ZNF385D: variants seen among roughly 807,000 people sequenced by gnomAD.
The protein encoded by ZNF385D is zinc finger protein 659.
In ZNF385D, 15 loss-of-function variants were observed where a neutral mutation model predicts 35.8. The ratio of observed to expected loss-of-function variants is 0.42; its 90% CI spans 0.28 to 0.64. The LOEUF is 0.64. Ranked by LOEUF, ZNF385D falls within the 30% of genes least tolerant of loss-of-function variation. The pLI is 0.23. For synonymous variants in ZNF385D, 212 were observed against 186.8 expected, an observed-to-expected ratio of 1.13 and a Z score of -1.10; for missense variants, 474 against 494.6, an observed-to-expected ratio of 0.96 and a Z score of 0.39.
chr3:22,362,036 T>A (rs1180199021), intron 2 of ZNF385D, among the ~76,000 whole-genome samples: 1 of 151,350 alleles, frequency 6.6e-6, no homozygotes, highest in Non-Finnish European at 1.5e-5. Context: ...GTTATAATTA[T>A]ATTATTAATA....
chr3:22,072,015 G>C (rs1002050463), intron 3 of ZNF385D, among the ~76,000 whole-genome samples: 28 of 152,026 alleles, frequency 1.8e-4, no homozygotes, highest in African/African-American at 5.6e-4. Flanking sequence ...TTCTTTTCTT[G>C]AGATGAGCAA....
At chr3:22,351,666 A>C (rs896346348) in intron 2 of ZNF385D, among the ~76,000 whole-genome samples, 3 of 152,146 alleles carry the variant, frequency 2.0e-5, no homozygotes, top group Non-Finnish European at 4.4e-5. Flanking sequence ...GCCTACAATG[A>C]TACTTGGTGG....
At chr3:21,597,526 G>C (rs192014009) in intron 2 of ZNF385D, among the ~76,000 whole-genome samples, 435 of 152,174 alleles carry the variant, frequency 2.9e-3, no homozygotes, top group Non-Finnish European at 4.8e-3. Context: ...TTTTTGACTG[G>C]TGGAAAGAAG....
At chr3:21,434,456 A>G (rs567532581) in intron 5 of ZNF385D, among the ~76,000 whole-genome samples, 1 of 152,208 alleles carries the variant, frequency 6.6e-6, no homozygotes, top group East Asian at 1.9e-4. Context: ...TGTTCCCTGG[A>G]TTTCCCCATA....
rs545173411 is a variant in ZNF385D, at chr3:21,800,302, G to A, written c.326-135274C>T. Among the ~76,000 whole-genome samples, 17 of 152,230 alleles carry A rather than the reference G, an allele frequency of 1.1e-4. No homozygotes were observed. The South Asian group carries it at 3.5e-3, about 32-fold the overall frequency. ...AAAATGTTTATTGGGCTTTTGATAGGGATGGCATTGAATCTTTAGATTGCC... is the reference window on the plus strand; with the variant it reads ...AAAATGTTTATTGGGCTTTTGATAGAGATGGCATTGAATCTTTAGATTGCC... On this transcript the variant is annotated intron_variant, in intron 3 of 5. Transcript: ENST00000494108.
At chr3:22,231,984 T>C (rs1698920123) in intron 2 of ZNF385D, among the ~76,000 whole-genome samples, 3 of 152,128 alleles carry the variant, frequency 2.0e-5, no homozygotes, top group Non-Finnish European at 4.4e-5. Flanking sequence ...CCTTCCACCA[T>C]GATTGTAAGT....
chr3:21,709,133 CATATT>C (rs2068009697), intron 1 of ZNF385D, among the ~76,000 whole-genome samples: 1 of 152,118 alleles, frequency 6.6e-6, no homozygotes, highest in African/African-American at 2.4e-5. Flanking sequence ...CTGTCAGTAA[CATATT>C]ATATATTTTA....
intron 3 of ZNF385D, among the ~76,000 whole-genome samples, chr3:21,772,539 C>T (rs1223884165): frequency 6.6e-6 from 1 of 151,678 alleles, no homozygotes; most frequent in Non-Finnish European, 1.5e-5. Flanking sequence ...ACATGCATTA[C>T]AGTGGGAAAA....
At chr3:22,230,260 T>C (rs1698807163) in intron 2 of ZNF385D, among the ~76,000 whole-genome samples, 2 of 152,196 alleles carry the variant, frequency 1.3e-5, no homozygotes, top group Non-Finnish European at 2.9e-5. Flanking sequence ...TGATTCTGTA[T>C]AATGATATTT....
chr3:21,816,866 C>G (rs1362534769), intron 3 of ZNF385D, among the ~76,000 whole-genome samples: 5 of 152,062 alleles, frequency 3.3e-5, no homozygotes, highest in Non-Finnish European at 7.4e-5. Context: ...AAAAGAGCCT[C>G]CATTGCCAAG....
chr3:21,755,399 T>A (rs1158970095), upstream of ZNF385D, among the ~76,000 whole-genome samples: 1 of 152,152 alleles, frequency 6.6e-6, no homozygotes, highest in Non-Finnish European at 1.5e-5. Flanking sequence ...CCTATTCGCT[T>A]CTCCATTTGT....
chr3:22,301,127 G>C (rs1260621108), intron 2 of ZNF385D, among the ~76,000 whole-genome samples: 1 of 151,980 alleles, frequency 6.6e-6, no homozygotes, highest in Admixed American at 6.6e-5. Context: ...CCTGTCATTT[G>C]AGACAACAGA....
At chr3:21,981,135 A>G (rs1344192197) in intron 3 of ZNF385D, among the ~76,000 whole-genome samples, 1 of 152,158 alleles carries the variant, frequency 6.6e-6, no homozygotes. Flanking sequence ...TCACTGAGGA[A>G]TCACTATGCT....
At chr3:21,603,599 A>C (rs1341558944) in intron 2 of ZNF385D, among the ~76,000 whole-genome samples, 6 of 152,256 alleles carry the variant, frequency 3.9e-5, no homozygotes, top group African/African-American at 1.4e-4. Flanking sequence ...TGACAACTGC[A>C]AAGTGCAGAA....
intron 4 of ZNF385D, among the ~76,000 whole-genome samples, chr3:21,473,996 A>T (rs1342785826): frequency 6.6e-6 from 1 of 152,056 alleles, no homozygotes; most frequent in Admixed American, 6.6e-5. Context: ...TGTAAGCTAG[A>T]TATGTGTATA....
intron 4 of ZNF385D, among the ~76,000 whole-genome samples, chr3:21,467,444 T>G (rs1044879984): frequency 6.6e-6 from 1 of 152,198 alleles, no homozygotes. Context: ...TTATAGTTTT[T>G]GGGGGGAACA....
chr3:22,318,053 G>A (rs1446449073), intron 2 of ZNF385D, among the ~76,000 whole-genome samples: 2 of 150,242 alleles, frequency 1.3e-5, no homozygotes, highest in Admixed American at 6.6e-5. Context: ...GTGAGACTCG[G>A]TTTCAAAAAG....
At chr3:21,883,795 C>A (rs534412822) in intron 3 of ZNF385D, among the ~76,000 whole-genome samples, 173 of 152,108 alleles carry the variant, frequency 1.1e-3, no homozygotes, top group African/African-American at 3.1e-3. Context: ...ATTATTTAGG[C>A]AATGCACATT....
At chr3:22,114,719 A>G (rs574089383) in intron 3 of ZNF385D, among the ~76,000 whole-genome samples, 1 of 152,186 alleles carries the variant, frequency 6.6e-6, no homozygotes, top group East Asian at 1.9e-4. Flanking sequence ...TTGAATAGTT[A>G]TTAGTAAATT....
Sources: allele counts gnomAD v4.1 joint callset (sites outside exome capture counted in the v4.1 genomes callset), GRCh38; gene constraint gnomAD v4.1.1; transcripts MANE v1.5; gene names NCBI Gene and HGNC (gene_info 2026-07-23, HGNC 2026-07-21).